ZRANB1: variants seen among roughly 807,000 people sequenced by gnomAD.
ZRANB1 encodes the protein ubiquitin thioesterase ZRANB1.
In ZRANB1, 16 loss-of-function variants were observed where a neutral mutation model predicts 80.5. The ratio of observed to expected loss-of-function variants is 0.20; its 90% CI spans 0.13 to 0.30. The LOEUF (loss-of-function observed/expected upper bound fraction) is 0.30, where lower values mean the gene tolerates loss of function less well. Among genes scored for constraint, ZRANB1 ranks in the 10% least tolerant of loss-of-function variants. The pLI is 1.00. For synonymous variants in ZRANB1, 291 were observed against 293.1 expected (o/e 0.99, Z 0.07); for missense variants, 576 against 862.6 (o/e 0.67, Z 4.16).
the ZRANB1 span, among the ~76,000 whole-genome samples, chr10:124,924,910 GTT>G: frequency 4.2e-5 from 6 of 141,204 alleles, no homozygotes; most frequent in Non-Finnish European, 3.1e-5. Context: ...TCATTTTGCT[GTT>G]TTTTTTTTTT....
intron 6 of ZRANB1, 105 bp downstream of exon 6, chr10:124,981,934 G>T (rs1951937682): frequency 7.0e-7 from 1 of 1,418,684 alleles, no homozygotes; most frequent in African/African-American, 1.4e-5. Context: ...TCAAAGAAAA[G>T]AATGCTTGAC....
At chr10:124,977,260 A>G (rs1951884779) in intron 5 of ZRANB1, among the ~76,000 whole-genome samples, 1 of 148,632 alleles carries the variant, frequency 6.7e-6, no homozygotes, top group African/African-American at 2.5e-5. Context: ...GGCATGAGCT[A>G]CTACTGCACC....
At chr10:124,919,259 C>A in the ZRANB1 span, among the ~76,000 whole-genome samples, 3 of 152,154 alleles carry the variant, frequency 2.0e-5, no homozygotes, top group Non-Finnish European at 2.9e-5. Flanking sequence ...CAAAAGTAGT[C>A]CACTGGCCGG....
chr10:124,967,933 CTGT>C (rs1206828464), intron 2 of ZRANB1, among the ~76,000 whole-genome samples: 114 of 150,316 alleles, frequency 7.6e-4, no homozygotes, highest in African/African-American at 2.7e-3. Flanking sequence ...GAGTCTCACT[CTGT>C]TGCCCAGGCT....
Position 124,964,748 on chromosome 10 carries a change from A to G in ZRANB1, c.815-1846A>G, listed in dbSNP as rs532973021. 1.1e-4 allele frequency among the ~76,000 whole-genome samples: 17 copies of G among 152,340 alleles called. No homozygotes were observed. The South Asian group carries it at 3.1e-3, about 28-fold the overall frequency. ...TATTTTTAGATTAGAACTAAAGACT[A>G]TAAAAGGTGCCTTGATGCTATGTAT... On this transcript the variant is annotated intron_variant, in intron 1 of 8. Coordinates refer to ENST00000359653, the MANE Select transcript of ZRANB1 (RefSeq NM_017580.3).
At chr10:124,972,740 T>C (rs1951837673) in intron 3 of ZRANB1, among the ~76,000 whole-genome samples, 3 of 152,072 alleles carry the variant, frequency 2.0e-5, no homozygotes, top group Admixed American at 2.0e-4. Flanking sequence ...CTAAAATCTT[T>C]CATCTGAGAT....
At chr10:124,959,315 C>T (rs922425571) in intron 1 of ZRANB1, among the ~76,000 whole-genome samples, 3 of 151,948 alleles carry the variant, frequency 2.0e-5, no homozygotes, top group African/African-American at 4.8e-5. Context: ...TCAAATAACC[C>T]GAGAGAAGTC....
chr10:124,956,185 A>G (rs1451416453), intron 1 of ZRANB1, among the ~76,000 whole-genome samples: 1 of 152,244 alleles, frequency 6.6e-6, no homozygotes, highest in Non-Finnish European at 1.5e-5. Flanking sequence ...AACGGCTTTC[A>G]TTTAAAAAAG....
intron 1 of ZRANB1, among the ~76,000 whole-genome samples, chr10:124,963,550 GTTTGTTTTT>G (rs1951752292): frequency 4.0e-5 from 3 of 75,158 alleles, no homozygotes; most frequent in Non-Finnish European, 7.8e-5. Flanking sequence ...TTTTTTTTTT[GTTTGTTTTT>G]TTTTTTTTTT....
Position 124,986,684 on chromosome 10 carries a change from G to T in ZRANB1, c.*1692G>T, listed in dbSNP as rs1219891163. ...TGTTTGCTTTCATTTTGGCCAATAA[G>T]TAATCAAGTTTGTAGAAAATGTTAG... On this transcript the variant is annotated 3_prime_UTR_variant, in exon 9 of 9. Transcript: ENST00000359653. 2.0e-5 allele frequency: 3 copies of T among 152,194 alleles called. No homozygotes were observed. The highest frequency in any genetic ancestry group is 2.0e-4 in the Admixed American group (3 of 15,272). The allele number at this position is 152,194 out of a possible 1,614,324, so 9.4% of individuals were successfully genotyped here. A position where few individuals can be genotyped will look rare whatever the true frequency, so the allele number is the denominator to read the frequency against.
intron 1 of ZRANB1, among the ~76,000 whole-genome samples, chr10:124,963,753 G>T (rs780150511): frequency 6.6e-6 from 1 of 151,884 alleles, no homozygotes; most frequent in Non-Finnish European, 1.5e-5. Context: ...TGAGCAGTGT[G>T]CAATAAAGAC....
At position 124,983,334 on chromosome 10, in the gene ZRANB1, G is replaced by A; in HGVS notation, c.1678+30G>A. The A allele has an allele frequency of 6.2e-7, 1 of 1,611,460 alleles. No homozygotes were observed. The highest frequency in any genetic ancestry group is 8.5e-7 in the Non-Finnish European group (1 of 1,178,546). Reference sequence around the variant, plus strand: ...GCCATTATTCAGGAACGTTTTACAAGTTTCTTTGAACGGAATGGCTCAGAT... The same window carrying A: ...GCCATTATTCAGGAACGTTTTACAAATTTCTTTGAACGGAATGGCTCAGAT... On this transcript the variant is annotated intron_variant, in intron 7 of 8. Transcript: ENST00000359653. This position sits in a 1 kb window ranked among gnomAD's most constrained non-coding sequence, Gnocchi z 6.2.
At chr10:124,960,109 TGTG>T (rs1449603135) in intron 1 of ZRANB1, among the ~76,000 whole-genome samples, 1 of 152,120 alleles carries the variant, frequency 6.6e-6, no homozygotes, top group African/African-American at 2.4e-5. Context: ...TAAGAGGTTT[TGTG>T]GTGAGGATGC....
chr10:124,958,709 A>G (rs1951706483), intron 1 of ZRANB1, among the ~76,000 whole-genome samples: 1 of 152,182 alleles, frequency 6.6e-6, no homozygotes, highest in Non-Finnish European at 1.5e-5. Context: ...ACAGTTTGGG[A>G]GTCCCTGTGG....
chr10:124,924,800 ACTTCT>A, the ZRANB1 span, among the ~76,000 whole-genome samples: 1 of 151,878 alleles, frequency 6.6e-6, no homozygotes, highest in Non-Finnish European at 1.5e-5. Context: ...GTAAGTTTTT[ACTTCT>A]CTTGGGTATA....
At chr10:124,927,363 A>G in the ZRANB1 span, among the ~76,000 whole-genome samples, 2 of 152,240 alleles carry the variant, frequency 1.3e-5, no homozygotes, top group Non-Finnish European at 2.9e-5. Flanking sequence ...TTAGTGTTGC[A>G]CAGTAAAAGT....
the ZRANB1 span, among the ~76,000 whole-genome samples, chr10:124,923,419 G>A: frequency 5.3e-5 from 8 of 150,382 alleles, no homozygotes; most frequent in East Asian, 2.0e-4. Flanking sequence ...TGGTGAAACC[G>A]TGTCTCTACT....
the ZRANB1 span, among the ~76,000 whole-genome samples, chr10:124,924,969 G>A: frequency 2.8e-3 from 426 of 151,586 alleles, 2 homozygotes; most frequent in African/African-American, 9.9e-3. Context: ...GTGCAGTGGC[G>A]TGATCTCGGC....
At chr10:124,975,188 T>G (rs1951865735) in intron 5 of ZRANB1, among the ~76,000 whole-genome samples, 1 of 152,162 alleles carries the variant, frequency 6.6e-6, no homozygotes, top group African/African-American at 2.4e-5. Context: ...GATCACATTT[T>G]TTATTTTGCA....
Sources: gnomAD v4.1 joint callset for allele counts (sites outside exome capture counted in the v4.1 genomes callset) on GRCh38, gnomAD v4.1.1 for gene constraint, Gnocchi (gnomAD v3.1) non-coding constraint, MANE v1.5 for transcripts, NCBI Gene and HGNC (gene_info 2026-07-23, HGNC 2026-07-21) for gene names.